Variants in DROSHA observed in about 807,000 individuals in gnomAD.
DROSHA encodes the protein ribonuclease 3.
A neutral mutation model predicts 181.9 loss-of-function variants in DROSHA; 56 were observed. The ratio of observed to expected loss-of-function variants is 0.31; its 90% CI spans 0.25 to 0.38. The LOEUF is 0.38. DROSHA is among the 10% of genes least tolerant of loss of function. The probability of loss-of-function intolerance (pLI) is 1.00; values close to 1 mark genes in which losing one functional copy is unlikely to be tolerated. For missense variants in DROSHA, 1,218 were observed against 1,743.5 expected (o/e 0.70, Z 5.37); for synonymous variants, 524 against 591.2 (o/e 0.89, Z 1.65).
rs1740573788 is a variant in DROSHA at position 31,526,409 on chromosome 5, T to A, written c.524A>T (p.His175Leu). Reference sequence around the variant, plus strand: ...ATTAAAACTGGGAGGTGGGAAGTTGTGGTGAGAATAGCCCGGAGGGTACTG... The same window carrying A: ...ATTAAAACTGGGAGGTGGGAAGTTGAGGTGAGAATAGCCCGGAGGGTACTG... ...NYQYPPGYSHHNFPPPSFNSF... is the reference protein window; with the variant it reads ...NYQYPPGYSHLNFPPPSFNSF... The change falls in exon 5 of 36, where the codon CAC becomes CTC. Residue 175 changes from histidine to leucine, a missense_variant. By Grantham distance (99) the His-to-Leu change is moderately conservative. Coordinates refer to ENST00000344624, the MANE Select transcript of DROSHA (RefSeq NM_001382508.1). 2 of 1,609,214 alleles carry A rather than the reference T, an allele frequency of 1.2e-6. No homozygotes were observed. The highest frequency in any genetic ancestry group is 1.7e-6 in the Non-Finnish European group (2 of 1,179,272).
At chr5:31,504,987 A>C (rs1737737692) in intron 10 of DROSHA, among the ~76,000 whole-genome samples, 1 of 152,148 alleles carries the variant, frequency 6.6e-6, no homozygotes, top group Admixed American at 6.5e-5. Flanking sequence ...ACAAAAGCAA[A>C]TTTTATATCC....
At chr5:31,412,071 T>A (rs1472447360) in intron 30 of DROSHA, among the ~76,000 whole-genome samples, 1 of 152,224 alleles carries the variant, frequency 6.6e-6, no homozygotes, top group Non-Finnish European at 1.5e-5. Flanking sequence ...CACTATACAC[T>A]GCATGAAAAT....
At chr5:31,456,720 T>C (rs996003543) in intron 20 of DROSHA, among the ~76,000 whole-genome samples, 5 of 152,194 alleles carry the variant, frequency 3.3e-5, no homozygotes, top group African/African-American at 1.2e-4. Flanking sequence ...TATATATTAC[T>C]ACAGAGTGAT....
In DROSHA at chr5:31,433,702, G is replaced by A. The variant is rs936980116; in HGVS notation, c.3043-2024C>T. ...CGGGACTACAGGCGCCTGCCACCAC[G>A]CCTGGCTAATTTTTTTGTATTTTTT... On this transcript the variant is annotated intron_variant, in intron 25 of 35. Transcript: ENST00000344624. Among the ~76,000 whole-genome samples the A allele has an allele frequency of 3.9e-5, 6 of 152,132 alleles. No individual in the cohort carries two copies. In the East Asian group the frequency reaches 7.8e-4, roughly 20 times the overall value.
chr5:31,469,155 G>A (rs865953302), intron 17 of DROSHA, among the ~76,000 whole-genome samples: 4 of 152,098 alleles, frequency 2.6e-5, no homozygotes, highest in Non-Finnish European at 5.9e-5. Flanking sequence ...TCAGGAGTTC[G>A]AGACCAGCCT....
intron 16 of DROSHA, among the ~76,000 whole-genome samples, chr5:31,477,387 C>G (rs1038187125): frequency 9.2e-5 from 14 of 152,194 alleles, no homozygotes; most frequent in African/African-American, 3.4e-4. Flanking sequence ...GACTGCGTTT[C>G]TGTGTCTTCT....
intron 11 of DROSHA, among the ~76,000 whole-genome samples, chr5:31,500,401 A>C (rs1753458671): frequency 1.3e-5 from 2 of 152,194 alleles, no homozygotes; most frequent in South Asian, 4.1e-4. Context: ...TCAGGATACA[A>C]CACCACCAGG....
intron 23 of DROSHA, among the ~76,000 whole-genome samples, chr5:31,443,938 T>C (rs1745956331): frequency 6.6e-6 from 1 of 152,182 alleles, no homozygotes; most frequent in South Asian, 2.1e-4. Flanking sequence ...AGAAAAAACA[T>C]GGGTAGGACC....
chr5:31,441,989 A>C (rs1745650507), intron 23 of DROSHA, among the ~76,000 whole-genome samples: 1 of 152,232 alleles, frequency 6.6e-6, no homozygotes, highest in Non-Finnish European at 1.5e-5. Flanking sequence ...CATGACAATA[A>C]GTCATATTTA....
intron 14 of DROSHA, among the ~76,000 whole-genome samples, chr5:31,485,560 G>A (rs763051765): frequency 1.7e-4 from 25 of 149,088 alleles, no homozygotes; most frequent in African/African-American, 4.7e-4. Context: ...ATCACCCTGC[G>A]TGAGATCACG....
At chr5:31,405,799 T>C in intron 34 of DROSHA, 76 bp from the exon 35 acceptor site, 1 of 1,084,598 alleles carries the variant, frequency 9.2e-7, no homozygotes, top group Non-Finnish European at 1.2e-6. Flanking sequence ...TTTCAAAAAA[T>C]GCAAGGTATG....
intron 20 of DROSHA, among the ~76,000 whole-genome samples, chr5:31,459,265 T>C (rs1162719254): frequency 6.6e-6 from 1 of 152,096 alleles, no homozygotes; most frequent in Non-Finnish European, 1.5e-5. Context: ...TGAGGTGACA[T>C]GCACCTGTAG....
At chr5:31,464,865 C>T (rs899128034) in intron 19 of DROSHA, among the ~76,000 whole-genome samples, 2 of 152,108 alleles carry the variant, frequency 1.3e-5, no homozygotes, top group Admixed American at 6.6e-5. Context: ...ACTAACTCTT[C>T]CCTTTCACGG....
chr5:31,421,901 A>C (rs1742745609), intron 29 of DROSHA: 1 of 64,072 alleles, frequency 1.6e-5, no homozygotes, highest in Non-Finnish European at 2.4e-5. Flanking sequence ...AAAAATATAT[A>C]TATATAAAAA....
intron 4 of DROSHA, 51 bp downstream of exon 4, chr5:31,528,989 G>A (rs1192805504): frequency 1.9e-6 from 3 of 1,607,484 alleles, no homozygotes; most frequent in African/African-American, 1.3e-5. Flanking sequence ...ACCAATGTCT[G>A]CTCCTCTCTC....
chr5:31,523,514 T>C (rs1268067631), intron 5 of DROSHA, among the ~76,000 whole-genome samples: 3 of 152,172 alleles, frequency 2.0e-5, no homozygotes, highest in Admixed American at 6.5e-5. Flanking sequence ...CCTCTAATTA[T>C]AGCATATCAA....
In DROSHA at chr5:31,401,461, G is replaced by GCT. The variant is rs1561100337; in HGVS notation, c.4094_4095dup (p.Pro1366SerfsTer24). The GCT allele has an allele frequency of 6.2e-7, 1 of 1,612,618 alleles. No homozygotes were observed. On this transcript the variant is annotated frameshift_variant, in exon 36 of 36. Transcript: ENST00000344624. LOFTEE classifies it high-confidence loss of function. ...TTCTTGATGTCTTCAGTCTCATCTG[G>GCT]CTCTCTCTCTTGATGCTCTCTTTCC...
At chr5:31,458,563 A>G (rs1034868151) in intron 20 of DROSHA, among the ~76,000 whole-genome samples, 2 of 152,204 alleles carry the variant, frequency 1.3e-5, no homozygotes, top group African/African-American at 4.8e-5. Context: ...GTCACGTACA[A>G]ATAAAGAGAG....
intron 19 of DROSHA, 128 bp downstream of exon 19, chr5:31,466,054 G>A: frequency 2.2e-6 from 2 of 924,094 alleles, no homozygotes. Flanking sequence ...GGGGAGGAGG[G>A]TAAAGTATGA....
Sources: allele counts gnomAD v4.1 joint callset (sites outside exome capture counted in the v4.1 genomes callset), GRCh38; gene constraint gnomAD v4.1.1; transcripts MANE v1.5; gene names NCBI Gene and HGNC (gene_info 2026-07-23, HGNC 2026-07-21).